The following SNTG1 variants were observed in gnomAD, a reference collection of about 807,000 sequenced individuals.
SNTG1 encodes the protein syntrophin gamma 1, also known as gamma-1-syntrophin.
A neutral mutation model predicts 74.7 loss-of-function variants in SNTG1; 39 were observed. The ratio of observed to expected loss-of-function variants is 0.52; its 90% CI spans 0.40 to 0.68. The LOEUF (loss-of-function observed/expected upper bound fraction) is 0.68, where lower values mean the gene tolerates loss of function less well. SNTG1 is among the 30% of genes least tolerant of loss of function. The probability of loss-of-function intolerance (pLI) is 0.00; values close to 1 mark genes in which losing one functional copy is unlikely to be tolerated. For synonymous variants in SNTG1, 254 were observed against 217.1 expected, an observed-to-expected ratio of 1.17 and a Z score of -1.49; for missense variants, 685 against 609.5, an observed-to-expected ratio of 1.12 and a Z score of -1.30.
chr8:50,500,230 C>CT (rs199708802), intron 8 of SNTG1, among the ~76,000 whole-genome samples: 8,257 of 139,728 alleles, frequency 0.059, 337 homozygotes, highest in South Asian at 0.19. Flanking sequence ...GTTACTTTTT[C>CT]TTTTTTTTTT....
At chr8:50,321,523 T>C (rs2090528833) in intron 2 of SNTG1, among the ~76,000 whole-genome samples, 1 of 152,132 alleles carries the variant, frequency 6.6e-6, no homozygotes, top group Non-Finnish European at 1.5e-5. Context: ...GTTTAGTCCA[T>C]TTAAATTCAA....
At chr8:50,160,178 C>T (rs1301669963) in intron 1 of SNTG1, among the ~76,000 whole-genome samples, 1 of 152,116 alleles carries the variant, frequency 6.6e-6, no homozygotes, top group Non-Finnish European at 1.5e-5. Flanking sequence ...GAAAAATTTA[C>T]TAATCTTTAG....
intron 18 of SNTG1, among the ~76,000 whole-genome samples, chr8:50,761,993 G>T (rs1342131229): frequency 1.3e-5 from 2 of 151,884 alleles, no homozygotes; most frequent in African/African-American, 4.8e-5. Flanking sequence ...AATTACACTG[G>T]CATAGTTAAG....
chr8:50,736,131 TGGAAA>T (rs1004866854), intron 17 of SNTG1, among the ~76,000 whole-genome samples: 1 of 151,502 alleles, frequency 6.6e-6, no homozygotes, highest in Non-Finnish European at 1.5e-5. Flanking sequence ...GTACTAAATA[TGGAAA>T]GGAAAAAACA....
intron 1 of SNTG1, among the ~76,000 whole-genome samples, chr8:50,057,513 T>A (rs1351658136): frequency 1.3e-5 from 2 of 152,068 alleles, no homozygotes; most frequent in African/African-American, 2.4e-5. Context: ...AAGGTCAAAG[T>A]CAAATCCAAG....
At chr8:50,038,422 G>A (rs1344105068) in intron 1 of SNTG1, among the ~76,000 whole-genome samples, 1 of 152,094 alleles carries the variant, frequency 6.6e-6, no homozygotes, top group African/African-American at 2.4e-5. Context: ...GTCGTCACAA[G>A]CAACTCTATC....
intron 1 of SNTG1, among the ~76,000 whole-genome samples, chr8:49,932,469 T>A (rs552102576): frequency 6.6e-6 from 1 of 152,166 alleles, no homozygotes; most frequent in Admixed American, 6.5e-5. Context: ...GAATAATATA[T>A]AACTTTCATT....
intron 1 of SNTG1, among the ~76,000 whole-genome samples, chr8:50,149,409 G>C (rs1563661101): frequency 6.6e-6 from 1 of 152,140 alleles, no homozygotes; most frequent in Non-Finnish European, 1.5e-5. Context: ...GATCCCATTT[G>C]TCAATTTTGG....
At chr8:50,227,925 A>AAG (rs1410402067) in intron 2 of SNTG1, among the ~76,000 whole-genome samples, 1 of 150,690 alleles carries the variant, frequency 6.6e-6, no homozygotes, top group East Asian at 1.9e-4. Flanking sequence ...AACAACCAAA[A>AAG]AAAAAAAAAA....
At chr8:50,225,396 A>G (rs1384500888) in intron 2 of SNTG1, among the ~76,000 whole-genome samples, 1 of 152,086 alleles carries the variant, frequency 6.6e-6, no homozygotes, top group Non-Finnish European at 1.5e-5. Context: ...ATAAACTATA[A>G]ATGCTTTCAA....
intron 1 of SNTG1, among the ~76,000 whole-genome samples, chr8:50,122,951 T>G (rs2081043603): frequency 7.0e-6 from 1 of 142,692 alleles, no homozygotes; most frequent in Non-Finnish European, 1.6e-5. Context: ...GGCTTTTATG[T>G]GCTAAACACA....
rs1240344702 is a variant in SNTG1, at chr8:50,796,221, C to G, written c.*3392C>G. 4 of 151,958 alleles carry G rather than the reference C, an allele frequency of 2.6e-5. No homozygotes were observed. The highest frequency in any genetic ancestry group is 4.4e-5 in the Non-Finnish European group (3 of 67,948). The allele number at this position is 151,958 out of a possible 1,614,324, so 9.4% of individuals were successfully genotyped here. On this transcript the variant is annotated 3_prime_UTR_variant, in exon 19 of 19. Coordinates refer to ENST00000642720, the MANE Select transcript of SNTG1 (RefSeq NM_018967.5). Reference sequence around the variant, plus strand: ...GCTAGAAATCAGCAGTGTGGAGAAGCTTTAAAAGCACAAGGATGATCTTGT... The same window carrying G: ...GCTAGAAATCAGCAGTGTGGAGAAGGTTTAAAAGCACAAGGATGATCTTGT...
intron 18 of SNTG1, among the ~76,000 whole-genome samples, chr8:50,791,255 A>C (rs2095689883): frequency 6.6e-6 from 1 of 151,938 alleles, no homozygotes; most frequent in African/African-American, 2.4e-5. Flanking sequence ...GCAGATTATT[A>C]TAAATAAAGC....
At chr8:50,421,047 G>C (rs538358560) in intron 4 of SNTG1, among the ~76,000 whole-genome samples, 19 of 100,376 alleles carry the variant, frequency 1.9e-4, no homozygotes, top group African/African-American at 2.8e-4. Context: ...GGCGGTGGGC[G>C]GGGGAGGGGG....
At chr8:50,365,704 T>G (rs2092089197) in intron 2 of SNTG1, among the ~76,000 whole-genome samples, 1 of 152,162 alleles carries the variant, frequency 6.6e-6, no homozygotes, top group African/African-American at 2.4e-5. Flanking sequence ...ATTGTGTTCT[T>G]ATTACAATAG....
At chr8:50,137,076 A>G (rs2131438886) in intron 1 of SNTG1, among the ~76,000 whole-genome samples, 1 of 152,230 alleles carries the variant, frequency 6.6e-6, no homozygotes, top group Non-Finnish European at 1.5e-5. Context: ...GAATGACTTC[A>G]TTTTCAGCAG....
chr8:50,587,709 T>TGGCTAC (rs899263887), intron 12 of SNTG1, among the ~76,000 whole-genome samples: 4 of 150,820 alleles, frequency 2.7e-5, no homozygotes, highest in African/African-American at 9.8e-5. Context: ...CCTGTAGTCC[T>TGGCTAC]GGCTACGCGC....
chr8:50,104,658 G>A (rs948371414), intron 1 of SNTG1, among the ~76,000 whole-genome samples: 17 of 152,088 alleles, frequency 1.1e-4, no homozygotes, highest in Non-Finnish European at 2.5e-4. Flanking sequence ...TGATGTTACG[G>A]TGTCAATTTT....
intron 17 of SNTG1, among the ~76,000 whole-genome samples, chr8:50,749,225 A>T (rs2095561818): frequency 6.6e-6 from 1 of 152,044 alleles, no homozygotes; most frequent in South Asian, 2.1e-4. Flanking sequence ...CAGCCACAAC[A>T]TTCCCTTAAG....
Sources: gnomAD v4.1 joint callset for allele counts (sites outside exome capture counted in the v4.1 genomes callset) on GRCh38, gnomAD v4.1.1 for gene constraint, MANE v1.5 for transcripts, NCBI Gene and HGNC (gene_info 2026-07-23, HGNC 2026-07-21) for gene names.